ESRRG: variants seen among roughly 807,000 people sequenced by gnomAD.
The protein encoded by ESRRG is estrogen related receptor gamma, also known as estrogen-related receptor gamma.
ESRRG carries 13 observed loss-of-function variants against 44.0 expected under a neutral mutation model. The observed-to-expected ratio is 0.30, with a 90% CI of 0.19 to 0.47. The LOEUF is 0.47. Ranked by LOEUF, ESRRG falls within the 20% of genes least tolerant of loss-of-function variation. The probability of loss-of-function intolerance (pLI) is 1.00; values close to 1 mark genes in which losing one functional copy is unlikely to be tolerated. For synonymous variants in ESRRG, 215 were observed against 214.6 expected, an observed-to-expected ratio of 1.00 and a Z score of -0.02; for missense variants, 395 against 580.6, an observed-to-expected ratio of 0.68 and a Z score of 3.29.
At chr1:216,935,866 C>T (rs1022996677) in intron 2 of ESRRG, among the ~76,000 whole-genome samples, 2 of 152,072 alleles carry the variant, frequency 1.3e-5, no homozygotes, top group African/African-American at 2.4e-5. Flanking sequence ...CTGCCTGCCT[C>T]GGCCTCCCAA....
chr1:216,819,250 T>A (rs1032802002), intron 2 of ESRRG, among the ~76,000 whole-genome samples: 1 of 152,188 alleles, frequency 6.6e-6, no homozygotes, highest in African/African-American at 2.4e-5. Context: ...CTCGCCAGCA[T>A]CTGTTGTTCT....
At chr1:216,801,338 T>C (rs1486852022) in intron 2 of ESRRG, among the ~76,000 whole-genome samples, 2 of 152,178 alleles carry the variant, frequency 1.3e-5, no homozygotes, top group Non-Finnish European at 1.5e-5. Context: ...ACAGTAGCTA[T>C]GGCTACAGGC....
At chr1:216,831,502 AAAAG>A (rs922942491) in intron 2 of ESRRG, among the ~76,000 whole-genome samples, 3 of 149,986 alleles carry the variant, frequency 2.0e-5, no homozygotes, top group Admixed American at 6.6e-5. Flanking sequence ...GAGGAGGAGA[AAAAG>A]AGAGAGAGAG....
chr1:216,738,170 G>A (rs1287127590), intron 2 of ESRRG, among the ~76,000 whole-genome samples: 1 of 151,914 alleles, frequency 6.6e-6, no homozygotes, highest in Non-Finnish European at 1.5e-5. Context: ...GGTATTTTTG[G>A]GATAAGATCT....
chr1:216,961,561 A>ATTTTTTTTT (rs35113256), intron 1 of ESRRG, among the ~76,000 whole-genome samples: 2 of 131,970 alleles, frequency 1.5e-5, no homozygotes, highest in Non-Finnish European at 1.6e-5. Context: ...ATTTACTCTT[A>ATTTTTTTTT]TTTTTTTTTT....
intron 1 of ESRRG, among the ~76,000 whole-genome samples, chr1:217,070,359 CAGG>C: frequency 6.6e-6 from 1 of 151,904 alleles, no homozygotes; most frequent in East Asian, 1.9e-4. Context: ...AAAAGTACAA[CAGG>C]AGTTTAGAAA....
At chr1:216,831,416 C>A (rs940215291) in intron 2 of ESRRG, among the ~76,000 whole-genome samples, 1 of 151,274 alleles carries the variant, frequency 6.6e-6, no homozygotes, top group South Asian at 2.1e-4. Flanking sequence ...CCAAATGAAG[C>A]CTGAGGAGAC....
chr1:216,878,463 A>C (rs2096391783), intron 2 of ESRRG, among the ~76,000 whole-genome samples: 1 of 152,204 alleles, frequency 6.6e-6, no homozygotes, highest in African/African-American at 2.4e-5. Context: ...TTGAGATTTA[A>C]AAAACTCCTT....
chr1:216,700,230 G>A (rs1021020557), intron 1 of ESRRG, among the ~76,000 whole-genome samples: 3 of 151,948 alleles, frequency 2.0e-5, no homozygotes, highest in Middle Eastern at 3.2e-3. Flanking sequence ...AAAATGAGCT[G>A]ATGGAAATAT....
At chr1:216,542,523 GA>G (rs753556584) in intron 5 of ESRRG, among the ~76,000 whole-genome samples, 37 of 152,096 alleles carry the variant, frequency 2.4e-4, no homozygotes, top group Middle Eastern at 6.8e-3. Flanking sequence ...TTAACAGATA[GA>G]AAGCTGCCAT....
At chr1:216,816,525 A>G (rs975095780) in intron 2 of ESRRG, among the ~76,000 whole-genome samples, 4 of 152,236 alleles carry the variant, frequency 2.6e-5, no homozygotes, top group African/African-American at 9.6e-5. Flanking sequence ...GCAAATAAGC[A>G]TTAAGCTACA....
At chr1:216,532,659 G>A (rs1425177991) in intron 5 of ESRRG, among the ~76,000 whole-genome samples, 1 of 152,072 alleles carries the variant, frequency 6.6e-6, no homozygotes, top group Admixed American at 6.6e-5. Context: ...CCTATTAAGG[G>A]ACTAAATGCC....
intron 1 of ESRRG, among the ~76,000 whole-genome samples, chr1:217,016,295 T>C (rs1385481213): frequency 6.6e-6 from 1 of 152,066 alleles, no homozygotes; most frequent in Non-Finnish European, 1.5e-5. Context: ...TTTTTTAAGA[T>C]TGTATAATGG....
chr1:216,894,794 T>A (rs115797930), intron 2 of ESRRG, among the ~76,000 whole-genome samples: 1 of 152,120 alleles, frequency 6.6e-6, no homozygotes. Context: ...GAACCAGCAT[T>A]AGCCCCTAGA....
intron 1 of ESRRG, among the ~76,000 whole-genome samples, chr1:217,080,140 G>T (rs1177461963): frequency 1.3e-5 from 2 of 152,126 alleles, no homozygotes; most frequent in Admixed American, 1.3e-4. Context: ...TATTATACTT[G>T]CTATCTTCAC....
In ESRRG at chr1:216,579,226, T is replaced by C. The variant is rs570747913; in HGVS notation, c.590-11128A>G. On this transcript the variant is annotated intron_variant, in intron 3 of 6. Coordinates refer to ENST00000408911, the MANE Select transcript of ESRRG (RefSeq NM_001438.4). ...ACAAAAGGCATTATATTTGGACATC[T>C]GGATTACAAGCTAAATATTCAATGT... 3.3e-5 allele frequency among the ~76,000 whole-genome samples: 5 copies of C among 152,300 alleles called. 1 individual carries two copies. The highest frequency in any genetic ancestry group is 1.2e-4 in the African/African-American group (5 of 41,574).
chr1:217,044,993 A>G (rs2084596537), intron 1 of ESRRG, among the ~76,000 whole-genome samples: 1 of 152,226 alleles, frequency 6.6e-6, no homozygotes, highest in Admixed American at 6.5e-5. Flanking sequence ...AAGAGAAATG[A>G]GCCCATTGTC....
At chr1:216,781,024 T>C (rs1576487854) in intron 2 of ESRRG, among the ~76,000 whole-genome samples, 1 of 152,074 alleles carries the variant, frequency 6.6e-6, no homozygotes, top group East Asian at 1.9e-4. Flanking sequence ...TATCATTTAA[T>C]ATGGTTAACT....
At chr1:216,515,841 T>C (rs1038785462) in intron 6 of ESRRG, among the ~76,000 whole-genome samples, 2 of 152,052 alleles carry the variant, frequency 1.3e-5, no homozygotes, top group African/African-American at 2.4e-5. Context: ...GCTTTTAATC[T>C]TATAGTATAT....
Sources: gnomAD v4.1 joint callset for allele counts (sites outside exome capture counted in the v4.1 genomes callset) on GRCh38, gnomAD v4.1.1 for gene constraint, MANE v1.5 for transcripts, NCBI Gene and HGNC (gene_info 2026-07-23, HGNC 2026-07-21) for gene names.